TNPO2: variants seen among roughly 807,000 people sequenced by gnomAD.
The protein encoded by TNPO2 is transportin 2.
A neutral mutation model predicts 111.1 loss-of-function variants in TNPO2; 16 were observed. The observed-to-expected ratio is 0.14, with a 90% CI of 0.10 to 0.22. The LOEUF is 0.22. Ranked by LOEUF, TNPO2 falls within the 10% of genes least tolerant of loss-of-function variation. TNPO2 has a pLI of 1.00. For missense variants in TNPO2, 530 were observed against 1,173.7 expected, an observed-to-expected ratio of 0.45 and a Z score of 8.01; for synonymous variants, 481 against 475.8, an observed-to-expected ratio of 1.01 and a Z score of -0.14.
At position 12,715,186 on chromosome 19, in the gene TNPO2, G is replaced by A. The variant is rs1331456069; in HGVS notation, c.649-17C>T. The A allele has an allele frequency of 9.3e-6, 15 of 1,613,224 alleles. No individual in the cohort carries two copies. Among genetic ancestry groups the A allele is most frequent in the Non-Finnish European group, 1.2e-5 (14 of 1,179,488 alleles). On this transcript the variant is annotated splice_polypyrimidine_tract_variant and intron_variant, in intron 8 of 25. Transcript: ENST00000425528. The surrounding 1 kb of genome is among the most constrained non-coding windows in gnomAD (Gnocchi z 7.1). ...AAATAGGTGCTGCAGGGAGGAACAGGGTCAGTTGTAGGGGCCCTCAGTCCT... is the reference window on the plus strand; with the variant it reads ...AAATAGGTGCTGCAGGGAGGAACAGAGTCAGTTGTAGGGGCCCTCAGTCCT...
intron 13 of TNPO2, among the ~76,000 whole-genome samples, chr19:12,708,621 C>G (rs1195529934): frequency 6.6e-6 from 1 of 151,408 alleles, no homozygotes; most frequent in Non-Finnish European, 1.5e-5. Flanking sequence ...AATCCCAGCA[C>G]TCTGGGAAGC....
intron 13 of TNPO2, among the ~76,000 whole-genome samples, chr19:12,709,856 C>T (rs2025941102): frequency 1.3e-5 from 2 of 152,064 alleles, no homozygotes; most frequent in Non-Finnish European, 2.9e-5. Context: ...TGGGCTAAAG[C>T]AGTTGTCCTG....
intron 20 of TNPO2, 46 bp downstream of exon 20, chr19:12,703,382 G>C (rs2025442250): frequency 6.4e-7 from 1 of 1,565,360 alleles, no homozygotes; most frequent in Non-Finnish European, 8.8e-7. Context: ...CCCAGGTTGA[G>C]AACAGGCTAA....
In TNPO2 at chr19:12,703,504, G is replaced by A. The variant is rs756915226; in HGVS notation, c.2133C>T (p.Gly711=). 12 of 1,613,892 alleles carry A rather than the reference G, an allele frequency of 7.4e-6. No individual in the cohort carries two copies. The highest frequency in any genetic ancestry group is 2.2e-5 in the East Asian group (1 of 44,900). The stretch of plus-strand genomic sequence containing the variant: ...AGATGAACTCTGGGTTCAGGTTGGT[G>A]CCCAGAATGGGCATGAACTCGGCTG... ...PCIAEFMPIL[G]TNLNPEFISV... The change falls in exon 20 of 26, where the codon GGC becomes GGT. Residue 711 remains glycine (G), a synonymous_variant. Coordinates refer to ENST00000425528, the MANE Select transcript of TNPO2 (RefSeq NM_001382241.1).
Position 12,705,780 on chromosome 19 carries a change from G to A in TNPO2, c.1669-12C>T, listed in dbSNP as rs752547890. 112 of 1,452,246 alleles carry A rather than the reference G, an allele frequency of 7.7e-5. No individual in the cohort carries two copies. The highest frequency in any genetic ancestry group is 1.0e-4 in the Non-Finnish European group (110 of 1,097,692). The allele number at this position is 1,452,246 out of a possible 1,614,324, so 90.0% of individuals were successfully genotyped here. A position where few individuals can be genotyped will look rare whatever the true frequency, so the allele number is the denominator to read the frequency against. ...TTCTGGATGTATTCCTGGAGAGGGA[G>A]CACGAAATGGGCGCTCCCTGGGTCG... On this transcript the variant is annotated splice_polypyrimidine_tract_variant and intron_variant, in intron 15 of 25. Coordinates refer to ENST00000425528, the MANE Select transcript of TNPO2 (RefSeq NM_001382241.1). The surrounding 1 kb of genome is among the most constrained non-coding windows in gnomAD (Gnocchi z 7.2).
chr19:12,716,045 ATTGT>A (rs949668888), intron 5 of TNPO2, among the ~76,000 whole-genome samples: 8 of 151,672 alleles, frequency 5.3e-5, no homozygotes, highest in Admixed American at 3.9e-4. Flanking sequence ...AATTTTTAAA[ATTGT>A]TTGTAGAGAT....
intron 18 of TNPO2, among the ~76,000 whole-genome samples, chr19:12,704,041 C>T (rs1443265112): frequency 6.6e-6 from 1 of 152,132 alleles, no homozygotes; most frequent in Non-Finnish European, 1.5e-5. Flanking sequence ...ATATAAAAAT[C>T]CACGGATGTG....
chr19:12,720,361 G>A (rs1237938239), intron 3 of TNPO2, among the ~76,000 whole-genome samples: 2 of 151,766 alleles, frequency 1.3e-5, no homozygotes, highest in Non-Finnish European at 2.9e-5. Flanking sequence ...CTGTCGCCCA[G>A]GGTGGCTGGA....
chr19:12,712,130 G>C (rs996886232), intron 10 of TNPO2, among the ~76,000 whole-genome samples: 1 of 152,172 alleles, frequency 6.6e-6, no homozygotes, highest in Non-Finnish European at 1.5e-5. Flanking sequence ...TACAGAGATA[G>C]GAGCTGAGGG....
Position 12,702,170 on chromosome 19 carries a change from C to T in TNPO2, c.2313G>A (p.Leu771=). The change falls in exon 22 of 26, where the codon CTG becomes CTA. Residue 771 remains leucine (L), a synonymous_variant. Coordinates refer to ENST00000425528, the MANE Select transcript of TNPO2 (RefSeq NM_001382241.1). The surrounding 1 kb of genome is among the most constrained non-coding windows in gnomAD (Gnocchi z 5.5). ...PKTLLENTGR[L]TSPSAIPAIT... ...TGGCTGGAATGGCAGAGGGACTCGTCAGGCGACCTGCAACCCCGAGCGGCC... is the reference window on the plus strand; with the variant it reads ...TGGCTGGAATGGCAGAGGGACTCGTTAGGCGACCTGCAACCCCGAGCGGCC... 1.9e-6 allele frequency: 3 copies of T among 1,612,974 alleles called. No homozygotes were observed. Among genetic ancestry groups the T allele is most frequent in the Non-Finnish European group, 2.5e-6 (3 of 1,179,688 alleles).
At chr19:12,714,960 T>C in intron 9 of TNPO2, 21 bp from the exon 10 acceptor site, 1 of 1,604,022 alleles carries the variant, frequency 6.2e-7, no homozygotes, top group Non-Finnish European at 8.5e-7. Flanking sequence ...GGGGAGAAGC[T>C]GAGGCCTGGC....
At position 12,700,928 on chromosome 19, in the gene TNPO2, G is replaced by A. The variant is rs759896357; in HGVS notation, c.*336C>T. The A allele has an allele frequency of 1.4e-4, 27 of 186,758 alleles. No individual in the cohort carries two copies. The highest frequency in any genetic ancestry group is 6.5e-4 in the Admixed American group (12 of 18,542). The allele number at this position is 186,758 out of a possible 1,614,324, so 11.6% of individuals were successfully genotyped here. On this transcript the variant is annotated 3_prime_UTR_variant, in exon 26 of 26. Transcript: ENST00000425528. ...CTCCTCCCTCACCTCATCCGAAGCC[G>A]GATTCGGTCAGCTGTGTAATTCCTC...
chr19:12,706,159 C>T lies in TNPO2; in HGVS notation c.1668+37G>A, dbSNP rs761922597. On this transcript the variant is annotated intron_variant, in intron 15 of 25. Transcript: ENST00000425528. This position sits in a 1 kb window ranked among gnomAD's most constrained non-coding sequence, Gnocchi z 7.0. ...CCAGGTCACTGGATGCCCAGGGGCACGGGGATCGGGAGGCGGGAGCCGCTC... is the reference window on the plus strand; with the variant it reads ...CCAGGTCACTGGATGCCCAGGGGCATGGGGATCGGGAGGCGGGAGCCGCTC... 57 of 1,600,634 alleles carry T rather than the reference C, an allele frequency of 3.6e-5. No individual in the cohort carries two copies. In the Admixed American group the frequency reaches 5.1e-4, roughly 14 times the overall value.
rs150636988 is a variant in TNPO2, at chr19:12,703,710, G to T, written c.2110+4C>A. On this transcript the variant is annotated splice_donor_region_variant and intron_variant, in intron 19 of 25. Transcript: ENST00000425528. ...ATGGGTTAGGGACAAGGCGAGTGTC[G>T]TACCGATACAGGGCTTGACATGGAT... The T allele has an allele frequency of 6.2e-7, 1 of 1,607,064 alleles. No individual in the cohort carries two copies. The highest frequency in any genetic ancestry group is 8.5e-7 in the Non-Finnish European group (1 of 1,176,674).
chr19:12,722,449 G>C (rs1393842408), intron 2 of TNPO2: 1 of 151,016 alleles, frequency 6.6e-6, no homozygotes, highest in East Asian at 2.0e-4. Context: ...GGGCCAAGAG[G>C]GTCGGGCTCT....
Position 12,719,251 on chromosome 19 carries a change from G to A in TNPO2, c.175+10C>T. 1 of 1,613,996 alleles carries A rather than the reference G, an allele frequency of 6.2e-7. No homozygotes were observed. The highest frequency in any genetic ancestry group is 8.5e-7 in the Non-Finnish European group (1 of 1,179,848). On this transcript the variant is annotated intron_variant, in intron 4 of 25. Transcript: ENST00000425528. The surrounding 1 kb of genome is among the most constrained non-coding windows in gnomAD (Gnocchi z 5.0). ...GGTCCCGATCGCATGGAAGGGAGCA[G>A]AGGGCGTACCTTCTGACTTGAGTCT...
At chr19:12,713,828 G>A (rs2026207112) in intron 10 of TNPO2, among the ~76,000 whole-genome samples, 1 of 152,176 alleles carries the variant, frequency 6.6e-6, no homozygotes. Flanking sequence ...AGGGATCCGA[G>A]ACCAGCCAGA....
rs752736621 is a variant in TNPO2, at chr19:12,711,368, C to T, written c.1045G>A (p.Ala349Thr). ...TCCTCGGAGCCATCAGGCCGCTCAG[C>T]CTCGTGGGGCAGTGTGACCGTGCGT... is the stretch of plus-strand genomic sequence containing the variant. ...KSRTVTLPHE[A>T]ERPDGSEDAE... The change falls in exon 12 of 26, where the codon GCT becomes ACT. Residue 349 changes from alanine (A) to threonine (T), a missense_variant. Physicochemically the swap from Ala to Thr is moderately conservative, Grantham distance 58. Transcript: ENST00000425528. The T allele has an allele frequency of 9.3e-6, 15 of 1,614,048 alleles. No homozygotes were observed. The South Asian group carries it at 1.6e-4, about 18-fold the overall frequency.
Position 12,721,265 on chromosome 19 carries a change from A to T in TNPO2, c.-13-275T>A. On this transcript the variant is annotated intron_variant, in intron 2 of 25. Coordinates refer to ENST00000425528, the MANE Select transcript of TNPO2 (RefSeq NM_001382241.1). The surrounding 1 kb of genome is among the most constrained non-coding windows in gnomAD (Gnocchi z 4.9). ...CGGCGGATCCTCATGGGACCCAGCG[A>T]AGAGCCCTCGTCCCAGGGTGGCCCA... The T allele has an allele frequency of 7.7e-7, 1 of 1,291,860 alleles. No homozygotes were observed. Among genetic ancestry groups the T allele is most frequent in the Non-Finnish European group, 9.9e-7 (1 of 1,013,570 alleles). 80.0% of individuals were successfully genotyped at this position (1,291,860 alleles called of 1,614,324 possible).
Sources: allele counts gnomAD v4.1 joint callset (sites outside exome capture counted in the v4.1 genomes callset), GRCh38; gene constraint gnomAD v4.1.1; non-coding constraint Gnocchi (gnomAD v3.1); transcripts MANE v1.5; gene names NCBI Gene and HGNC (gene_info 2026-07-23, HGNC 2026-07-21).